The following ZNF486 variants were observed in gnomAD, a reference collection of about 807,000 sequenced individuals.
ZNF486 encodes the protein KRAB box only protein 2.
Under a neutral mutation model 12.8 loss-of-function variants are expected in ZNF486, and 12 were observed. The observed-to-expected ratio is 0.94, with a 90% confidence interval of 0.60 to 1.52. The LOEUF is 1.52. Among genes scored for constraint, ZNF486 ranks in the 40% most tolerant of loss-of-function variants. The probability of loss-of-function intolerance (pLI) is 0.00; values close to 1 mark genes in which losing one functional copy is unlikely to be tolerated. For synonymous variants in ZNF486, 231 were observed against 184.9 expected (o/e 1.25, Z -2.02); for missense variants, 738 against 545.0 (o/e 1.35, Z -3.53).
chr19:20,169,402 C>T (rs1466581050), intron 1 of ZNF486, among the ~76,000 whole-genome samples: 7 of 152,194 alleles, frequency 4.6e-5, no homozygotes, highest in Admixed American at 4.6e-4. Flanking sequence ...CGCCACCGCG[C>T]CCGGCCAACA....
chr19:20,185,872 T>A (rs1038198400), intron 2 of ZNF486, 115 bp from the exon 3 acceptor site: 57 of 517,470 alleles, frequency 1.1e-4, no homozygotes, highest in Non-Finnish European at 1.5e-4. Flanking sequence ...TATGAATTAG[T>A]ATTTTGGTAT....
intron 1 of ZNF486, among the ~76,000 whole-genome samples, chr19:20,183,182 T>A (rs2089804998): frequency 6.6e-6 from 1 of 152,220 alleles, no homozygotes; most frequent in African/African-American, 2.4e-5. Context: ...TAATCTGCAA[T>A]ATTAAAAATG....
chr19:20,195,718 G>C (rs1185506472), intron 3 of ZNF486, among the ~76,000 whole-genome samples: 2 of 152,176 alleles, frequency 1.3e-5, no homozygotes, highest in Admixed American at 6.5e-5. Flanking sequence ...TTTAGGATGA[G>C]TCTTGTCTAA....
intron 1 of ZNF486, among the ~76,000 whole-genome samples, chr19:20,180,741 G>A (rs1555715430): frequency 6.6e-6 from 1 of 152,010 alleles, no homozygotes; most frequent in Admixed American, 6.6e-5. Flanking sequence ...GGTCAGGCTG[G>A]TCTTGAACTC....
At chr19:20,188,796 C>G (rs529030731) in intron 3 of ZNF486, 1 of 222,102 alleles carries the variant, frequency 4.5e-6, no homozygotes, top group South Asian at 1.8e-4. Flanking sequence ...TCACCCTCGA[C>G]AGACAAACCT....
intron 3 of ZNF486, 32 bp downstream of exon 3, chr19:20,186,114 A>C (rs1482817657): frequency 7.2e-6 from 11 of 1,527,168 alleles, no homozygotes; most frequent in Non-Finnish European, 8.8e-6. Context: ...CACAACAGAC[A>C]ATGCAGATAA....
At chr19:20,167,518 G>T (rs2089597807) in intron 1 of ZNF486, among the ~76,000 whole-genome samples, 158 bp downstream of exon 1, 1 of 152,180 alleles carries the variant, frequency 6.6e-6, no homozygotes, top group South Asian at 2.1e-4. Context: ...ATAAGATGGT[G>T]GCTGCGCTGA....
chr19:20,184,966 T>A (rs1364066471), intron 2 of ZNF486, among the ~76,000 whole-genome samples: 2 of 151,956 alleles, frequency 1.3e-5, no homozygotes, highest in Non-Finnish European at 2.9e-5. Context: ...ACAAAATTAG[T>A]CGTTTATGGT....
At chr19:20,187,497 C>T (rs976323442) in intron 3 of ZNF486, among the ~76,000 whole-genome samples, 5 of 143,494 alleles carry the variant, frequency 3.5e-5, no homozygotes, top group Non-Finnish European at 3.0e-5. Flanking sequence ...AACACCTCTT[C>T]AAGTTTTTTT....
Position 20,198,054 on chromosome 19 carries a change from C to A in ZNF486, c.1344C>A (p.Asp448Glu). The A allele has an allele frequency of 6.2e-7, 1 of 1,609,926 alleles. No individual in the cohort carries two copies. The highest frequency in any genetic ancestry group is 1.1e-5 in the South Asian group (1 of 90,684). Residue 448 changes from aspartate to glutamate, a missense_variant, in exon 4 of 4, where the codon GAC becomes GAA. Transcript: ENST00000335117. ...GCAAAGCTTTTAACTGGTCCTCAGA[C>A]CTTAATAAACATAAGAGAATTCATA... is the stretch of plus-strand genomic sequence containing the variant. ...ECGKAFNWSS[D>E]LNKHKRIHIG...
intron 1 of ZNF486, among the ~76,000 whole-genome samples, chr19:20,174,701 T>C (rs992512718): frequency 1.3e-5 from 2 of 152,356 alleles, no homozygotes; most frequent in Admixed American, 1.3e-4. Flanking sequence ...TAAAATAGTA[T>C]GAATATAAAG....
In ZNF486 at chr19:20,197,987, C is replaced by G. The variant is rs2089978533; in HGVS notation, c.1277C>G (p.Thr426Arg). 1 of 1,612,936 alleles carries G rather than the reference C, an allele frequency of 6.2e-7. No individual in the cohort carries two copies. The highest frequency in any genetic ancestry group is 1.7e-5 in the Admixed American group (1 of 59,886). ...TCCTCAAATCTAACTGAACATAAGACAACTCATACTGGAGAGAAACCTTAC... is the reference window on the plus strand; with the variant it reads ...TCCTCAAATCTAACTGAACATAAGAGAACTCATACTGGAGAGAAACCTTAC... ...TTSSNLTEHKTTHTGEKPYKC... is the reference protein window; with the variant it reads ...TTSSNLTEHKRTHTGEKPYKC... The change falls in exon 4 of 4, where the codon ACA (threonine) becomes AGA (arginine). Residue 426 changes from threonine to arginine, a missense_variant. Coordinates refer to ENST00000335117, the MANE Select transcript of ZNF486 (RefSeq NM_052852.4).
At chr19:20,169,894 T>A in intron 1 of ZNF486, among the ~76,000 whole-genome samples, 1 of 144,884 alleles carries the variant, frequency 6.9e-6, no homozygotes, top group Admixed American at 6.8e-5. Flanking sequence ...GTATGTTTTT[T>A]TTTTTTTTTT....
intron 2 of ZNF486, among the ~76,000 whole-genome samples, chr19:20,185,205 G>A (rs2089829196): frequency 6.6e-6 from 1 of 152,090 alleles, no homozygotes. Context: ...GATTTTTATT[G>A]TAAAGATTTT....
intron 1 of ZNF486, chr19:20,176,510 G>A (rs373117820): frequency 6.2e-5 from 13 of 208,940 alleles, no homozygotes; most frequent in South Asian, 3.8e-4. Flanking sequence ...CTGAGATCAC[G>A]CCACTGCACT....
At chr19:20,175,247 TA>T (rs1490651884) in intron 1 of ZNF486, 1 of 152,202 alleles carries the variant, frequency 6.6e-6, no homozygotes, top group Non-Finnish European at 1.5e-5. Flanking sequence ...TGATCAATTT[TA>T]TATCTAATCT....
At chr19:20,184,607 T>C (rs1599708475) in intron 2 of ZNF486, 125 bp downstream of exon 2, 1 of 1,100,728 alleles carries the variant, frequency 9.1e-7, no homozygotes, top group East Asian at 2.9e-5. Flanking sequence ...TTCCAGAAAA[T>C]CTTCAGAATT....
At chr19:20,179,142 T>C (rs1490429331) in intron 1 of ZNF486, among the ~76,000 whole-genome samples, 1 of 152,234 alleles carries the variant, frequency 6.6e-6, no homozygotes, top group African/African-American at 2.4e-5. Context: ...TATGTCTTTC[T>C]CCCACTTTGA....
At chr19:20,168,933 G>C (rs1223674366) in intron 1 of ZNF486, among the ~76,000 whole-genome samples, 1 of 151,284 alleles carries the variant, frequency 6.6e-6, no homozygotes, top group Non-Finnish European at 1.5e-5. Context: ...CTCCGCCTCC[G>C]GGGTTCAAGC....
Sources: allele counts gnomAD v4.1 joint callset (sites outside exome capture counted in the v4.1 genomes callset), GRCh38; gene constraint gnomAD v4.1.1; transcripts MANE v1.5; gene names NCBI Gene and HGNC (gene_info 2026-07-23, HGNC 2026-07-21).